DLGAP3: variants seen among roughly 807,000 people sequenced by gnomAD.
DLGAP3 encodes disks large-associated protein 3.
Under a neutral mutation model 81.2 loss-of-function variants are expected in DLGAP3, and 17 were observed. The observed-to-expected ratio is 0.21, with a 90% CI of 0.14 to 0.31. DLGAP3 has a LOEUF of 0.31. Ranked by LOEUF, DLGAP3 falls within the 10% of genes least tolerant of loss-of-function variation. DLGAP3 has a pLI of 1.00. For synonymous variants in DLGAP3, 577 were observed against 587.4 expected (o/e 0.98, Z 0.26); for missense variants, 1,124 against 1,388.0 (o/e 0.81, Z 3.02).
intron 1 of DLGAP3, among the ~76,000 whole-genome samples, chr1:34,924,916 T>C (rs1047651361): frequency 6.6e-6 from 1 of 152,216 alleles, no homozygotes; most frequent in East Asian, 1.9e-4. Context: ...ATTTTTCTAG[T>C]GAGCCCTCCC....
rs115508582 is a variant in DLGAP3, at chr1:34,924,832, G to A, written c.-135+4619C>T. On this transcript the variant is annotated intron_variant, in intron 1 of 11. Transcript: ENST00000373347. ...GTTCCTAAATACCACTAACAACTGT[G>A]AAACCTAAACCATAGGGAGAACTCC... Among the ~76,000 whole-genome samples, 814 of 152,310 alleles carry A rather than the reference G, an allele frequency of 5.3e-3. 6 individuals carry two copies. The highest frequency in any genetic ancestry group is 0.019 in the African/African-American group (774 of 41,558).
chr1:34,885,895 G>A (rs957656943), intron 6 of DLGAP3, 104 bp from the exon 7 acceptor site: 9 of 1,163,404 alleles, frequency 7.7e-6, no homozygotes, highest in African/African-American at 3.1e-5. Flanking sequence ...ACGGGACCCT[G>A]CAGCGGCGCG....
At chr1:34,876,854 T>A (rs988869293) in intron 8 of DLGAP3, among the ~76,000 whole-genome samples, 2 of 152,176 alleles carry the variant, frequency 1.3e-5, no homozygotes, top group Admixed American at 1.3e-4. Context: ...TCCCTGACTT[T>A]CACTCCAAAA....
At chr1:34,927,124 T>G (rs778815250) in intron 1 of DLGAP3, among the ~76,000 whole-genome samples, 2 of 151,944 alleles carry the variant, frequency 1.3e-5, no homozygotes, top group Non-Finnish European at 2.9e-5. Context: ...TGGGTGTGGC[T>G]AGGAATCCCT....
At chr1:34,874,686 G>A (rs567298712) in intron 8 of DLGAP3, among the ~76,000 whole-genome samples, 2 of 152,228 alleles carry the variant, frequency 1.3e-5, no homozygotes, top group South Asian at 4.1e-4. Context: ...AGTTTCTACT[G>A]TGATTCTCTG....
intron 5 of DLGAP3, among the ~76,000 whole-genome samples, chr1:34,888,336 G>A (rs552305756): frequency 6.5e-4 from 99 of 152,322 alleles, no homozygotes; most frequent in African/African-American, 2.3e-3. Context: ...CAGGTGAATT[G>A]TCTGAGGATG....
chr1:34,904,676 G>T lies in DLGAP3; in HGVS notation c.708C>A (p.Ser236=). ...HHHHHHHHHQ[S]RHGKRSKSKD... is the part of the protein sequence containing the mutation. ...TGCTCTTGCTCCTCTTGCCGTGCCG[G>T]GACTGGTGGTGGTGGTGATGGTGGT... The change falls in exon 3 of 12, where the codon TCC becomes TCA. Residue 236 remains serine (S), a synonymous_variant. Transcript: ENST00000373347. This position sits in a 1 kb window ranked among gnomAD's most constrained non-coding sequence, Gnocchi z 8.1. 1 of 1,614,076 alleles carries T rather than the reference G, an allele frequency of 6.2e-7. No individual in the cohort carries two copies. Among genetic ancestry groups the T allele is most frequent in the Non-Finnish European group, 8.5e-7 (1 of 1,180,026 alleles).
rs549789254 is a variant in DLGAP3 at position 34,873,310 on chromosome 1, G to C, written c.2001-4221C>G. The stretch of plus-strand genomic sequence containing the variant: ...ACAATGAAGTGGGCGATGGGGGGTG[G>C]TTATCTGCTGGAGATGTCTGGGGAG... On this transcript the variant is annotated intron_variant, in intron 8 of 11. Transcript: ENST00000373347. The surrounding 1 kb of genome is among the most constrained non-coding windows in gnomAD (Gnocchi z 4.2). Among the ~76,000 whole-genome samples the C allele has an allele frequency of 1.3e-5, 2 of 152,314 alleles. No homozygotes were observed. The highest frequency in any genetic ancestry group is 3.9e-4 in the East Asian group (2 of 5,184).
At chr1:34,914,638 A>G (rs1639689489) in intron 1 of DLGAP3, among the ~76,000 whole-genome samples, 1 of 152,210 alleles carries the variant, frequency 6.6e-6, no homozygotes, top group Non-Finnish European at 1.5e-5. Context: ...TGGGAGCAAG[A>G]GTAGTCCCTT....
chr1:34,901,184 T>C (rs898680075), intron 3 of DLGAP3, among the ~76,000 whole-genome samples: 10 of 151,896 alleles, frequency 6.6e-5, no homozygotes, highest in Admixed American at 6.6e-4. Context: ...GTGGGAGTCA[T>C]GGGCGGCAGC....
rs185075283 is a variant in DLGAP3 at position 34,895,195 on chromosome 1, G to A, written c.1386+4474C>T. Among the ~76,000 whole-genome samples the A allele has an allele frequency of 1.4e-3, 215 of 152,036 alleles. No individual in the cohort carries two copies. The highest frequency in any genetic ancestry group is 2.4e-3 in the African/African-American group (99 of 41,470). On this transcript the variant is annotated intron_variant, in intron 5 of 11. Transcript: ENST00000373347. This position sits in a 1 kb window ranked among gnomAD's most constrained non-coding sequence, Gnocchi z 4.5. ...ATCCTGGCTAACACGGTGAAACCCCGTCTGTACTAAAAATACAAAAAAATT... is the reference window on the plus strand; with the variant it reads ...ATCCTGGCTAACACGGTGAAACCCCATCTGTACTAAAAATACAAAAAAATT...
Position 34,904,802 on chromosome 1 carries a change from G to T in DLGAP3, c.582C>A (p.Asp194Glu). 1.9e-6 allele frequency: 3 copies of T among 1,610,632 alleles called. No homozygotes were observed. Among genetic ancestry groups the T allele is most frequent in the Non-Finnish European group, 8.5e-7 (1 of 1,180,012 alleles). Residue 194 changes from aspartate to glutamate, a missense_variant, in exon 3 of 12, where the codon GAC becomes GAA. By Grantham distance (45) the Asp-to-Glu change is conservative. This residue lies in a region of DLGAP3 where 65 missense variants were observed against 78.2 expected (regional missense o/e 0.83). Transcript: ENST00000373347. The surrounding 1 kb of genome is among the most constrained non-coding windows in gnomAD (Gnocchi z 8.1). ...SHSLEAPGKR[D>E]YNGPKAEGRG... ...TTCCCTCAGCCTTGGGCCCATTATA[G>T]TCCCGCTTCCCCGGCGCCTCCAGAG...
chr1:34,904,170 T>C lies in DLGAP3; in HGVS notation c.1107+107A>G. ...GCAGAGCCTCCCTACACCCAGGCCC[T>C]CCATCACAGGGACAGCTGGCTCCCA... On this transcript the variant is annotated intron_variant, in intron 3 of 11. Transcript: ENST00000373347. The surrounding 1 kb of genome is among the most constrained non-coding windows in gnomAD (Gnocchi z 8.1). 7.2e-7 allele frequency: 1 copy of C among 1,396,552 alleles called. No individual in the cohort carries two copies. The highest frequency in any genetic ancestry group is 1.2e-5 in the South Asian group (1 of 86,052). The allele number at this position is 1,396,552 out of a possible 1,614,324, so 86.5% of individuals were successfully genotyped here.
intron 1 of DLGAP3, among the ~76,000 whole-genome samples, chr1:34,927,442 G>C (rs1216110524): frequency 2.0e-5 from 3 of 152,102 alleles, no homozygotes; most frequent in Non-Finnish European, 4.4e-5. Flanking sequence ...TTCCTCTCCT[G>C]GCCATCATTC....
intron 1 of DLGAP3, among the ~76,000 whole-genome samples, chr1:34,918,696 TGAG>T (rs927711280): frequency 6.6e-6 from 1 of 152,120 alleles, no homozygotes; most frequent in African/African-American, 2.4e-5. Flanking sequence ...ATCCCCGACT[TGAG>T]GGGTAAGGAG....
At chr1:34,878,426 T>C (rs1639091922) in intron 8 of DLGAP3, among the ~76,000 whole-genome samples, 1 of 151,490 alleles carries the variant, frequency 6.6e-6, no homozygotes, top group African/African-American at 2.4e-5. Flanking sequence ...CAAGCAGCCA[T>C]AGCAATAAAA....
intron 5 of DLGAP3, among the ~76,000 whole-genome samples, chr1:34,892,510 T>C (rs954093705): frequency 1.1e-4 from 16 of 152,162 alleles, no homozygotes; most frequent in African/African-American, 3.9e-4. Context: ...TTTTTGTTTT[T>C]GTTTTTTTTA....
chr1:34,911,022 A>ACCAC (rs368223755), intron 1 of DLGAP3, among the ~76,000 whole-genome samples: 2 of 131,952 alleles, frequency 1.5e-5, no homozygotes, highest in Admixed American at 1.6e-4. Context: ...GATATTATCC[A>ACCAC]CCCCCCCCCC....
At chr1:34,894,256 A>C (rs1309844005) in intron 5 of DLGAP3, among the ~76,000 whole-genome samples, 14 of 137,284 alleles carry the variant, frequency 1.0e-4, no homozygotes, top group African/African-American at 3.7e-4. Context: ...CATAGTGATA[A>C]GATAAAGCAA....
Sources: allele counts gnomAD v4.1 joint callset (sites outside exome capture counted in the v4.1 genomes callset), GRCh38; gene constraint gnomAD v4.1.1; regional missense constraint gnomAD v4.1.1; non-coding constraint Gnocchi (gnomAD v3.1); transcripts MANE v1.5; gene names NCBI Gene and HGNC (gene_info 2026-07-23, HGNC 2026-07-21).